Variants in COL19A1 observed in about 807,000 individuals in gnomAD.
COL19A1 encodes collagen type XIX alpha 1 chain.
In COL19A1, 159 loss-of-function variants were observed where a neutral mutation model predicts 190.2. That is an observed-to-expected ratio of 0.84 (90% CI 0.73 to 0.95). COL19A1 has a LOEUF of 0.95. COL19A1 is among the 40% of genes least tolerant of loss of function. The pLI is 0.00. For synonymous variants in COL19A1, 509 were observed against 458.9 expected, an observed-to-expected ratio of 1.11 and a Z score of -1.39; for missense variants, 1,418 against 1,431.9, an observed-to-expected ratio of 0.99 and a Z score of 0.16.
rs150367557 is a variant in COL19A1, at chr6:70,052,489, C to G, written c.1171-15934C>G. On this transcript the variant is annotated intron_variant, in intron 14 of 50. Transcript: ENST00000620364. ...ACCATGGCTAACTATACCGCTGACT[C>G]ATTCAGCTTACAATCAGCTCTAGTC... is the stretch of plus-strand genomic sequence containing the variant. Among the ~76,000 whole-genome samples, 373 of 152,318 alleles carry G rather than the reference C, an allele frequency of 2.4e-3. 1 individual carries two copies. Among genetic ancestry groups the G allele is most frequent in the Non-Finnish European group, 3.5e-3 (238 of 68,024 alleles).
chr6:70,172,882 T>C (rs1765581180), intron 41 of COL19A1, among the ~76,000 whole-genome samples: 1 of 152,156 alleles, frequency 6.6e-6, no homozygotes, highest in Admixed American at 6.5e-5. Flanking sequence ...GGGAAGCCAG[T>C]TAGAAGATAT....
At chr6:70,125,647 G>A (rs937402636) in intron 17 of COL19A1, among the ~76,000 whole-genome samples, 1 of 152,208 alleles carries the variant, frequency 6.6e-6, no homozygotes, top group Admixed American at 6.5e-5. Flanking sequence ...AGCCTAAGGA[G>A]TGAGGTCAGG....
At chr6:69,974,452 T>C (rs76524957) in intron 11 of COL19A1, among the ~76,000 whole-genome samples, 3,361 of 152,292 alleles carry the variant, frequency 0.022, 127 homozygotes, top group African/African-American at 0.07. Context: ...TTTACTTATG[T>C]GTACAAATGA....
chr6:70,105,658 T>C (rs1014940637), intron 16 of COL19A1, among the ~76,000 whole-genome samples: 2 of 152,192 alleles, frequency 1.3e-5, no homozygotes, highest in Non-Finnish European at 2.9e-5. Flanking sequence ...CATCTTACTT[T>C]ATAGCAAGAA....
chr6:70,122,639 A>T (rs1784950208), intron 17 of COL19A1, among the ~76,000 whole-genome samples: 1 of 152,168 alleles, frequency 6.6e-6, no homozygotes, highest in South Asian at 2.1e-4. Flanking sequence ...CCTTGTATAC[A>T]TAATGGTTCA....
intron 14 of COL19A1, among the ~76,000 whole-genome samples, chr6:70,054,586 G>A (rs866196957): frequency 6.6e-6 from 1 of 152,116 alleles, no homozygotes; most frequent in Non-Finnish European, 1.5e-5. Context: ...TAGCTTATTT[G>A]CCTTAACTTG....
chr6:69,960,891 A>T (rs940485597), intron 10 of COL19A1, among the ~76,000 whole-genome samples: 2 of 151,984 alleles, frequency 1.3e-5, no homozygotes, highest in Non-Finnish European at 2.9e-5. Context: ...TCGGCCTCCC[A>T]AAGTGCTGGG....
intron 11 of COL19A1, among the ~76,000 whole-genome samples, chr6:70,003,482 C>T (rs970994834): frequency 1.3e-4 from 20 of 152,014 alleles, no homozygotes; most frequent in African/African-American, 4.6e-4. Context: ...TTAAAGTCTC[C>T]CACTATTATT....
At chr6:69,873,527 TG>T (rs1767960932) in intron 1 of COL19A1, among the ~76,000 whole-genome samples, 1 of 152,248 alleles carries the variant, frequency 6.6e-6, no homozygotes, top group South Asian at 2.1e-4. Context: ...CCATATCACC[TG>T]CTCTGTTACA....
At chr6:70,190,747 A>T (rs1205057583) in intron 48 of COL19A1, among the ~76,000 whole-genome samples, 1 of 152,164 alleles carries the variant, frequency 6.6e-6, no homozygotes, top group Admixed American at 6.6e-5. Context: ...GAAATGTTTA[A>T]TTTATAAATG....
rs1242399635 is a variant in COL19A1 at position 70,199,678 on chromosome 6, A to C, written c.3165A>C (p.Arg1055Ser). ...TGTTGGCTGCCCAAGCTTATGGGAG[A>C]CCTGGGCCACCAGGGAAGGATGGGT... The part of the protein sequence containing the change: ...AAMLAAQAYG[R>S]PGPPGKDGLP... The change falls in exon 49 of 51, where the codon AGA becomes AGC. Residue 1055 changes from arginine to serine, a missense_variant. Coordinates refer to ENST00000620364, the MANE Select transcript of COL19A1 (RefSeq NM_001858.6). 9 of 1,609,908 alleles carry C rather than the reference A, an allele frequency of 5.6e-6. No homozygotes were observed. The highest frequency in any genetic ancestry group is 7.6e-6 in the Non-Finnish European group (9 of 1,177,564).
At chr6:69,962,681 A>C in intron 10 of COL19A1, 145 bp from the exon 11 acceptor site, 1 of 442,352 alleles carries the variant, frequency 2.3e-6, no homozygotes, top group Non-Finnish European at 3.9e-6. Flanking sequence ...CTTATGTAAC[A>C]ATATTGGTTT....
At chr6:70,037,431 CAGGCTTG>C (rs1779412161) in intron 14 of COL19A1, among the ~76,000 whole-genome samples, 1 of 151,984 alleles carries the variant, frequency 6.6e-6, no homozygotes, top group East Asian at 1.9e-4. Flanking sequence ...GCTGGGATTA[CAGGCTTG>C]AGCCACTGTG....
intron 31 of COL19A1, among the ~76,000 whole-genome samples, chr6:70,151,759 G>GA (rs1787073947): frequency 2.0e-5 from 3 of 152,022 alleles, no homozygotes; most frequent in Non-Finnish European, 4.4e-5. Context: ...TCTCTCCTCT[G>GA]GAGGAACATC....
chr6:70,064,832 A>C (rs1781077826), intron 14 of COL19A1, among the ~76,000 whole-genome samples: 1 of 152,220 alleles, frequency 6.6e-6, no homozygotes, highest in Non-Finnish European at 1.5e-5. Flanking sequence ...CAGAGAGCCA[A>C]ATCATGAGTG....
chr6:70,110,862 C>T (rs1423515984), intron 16 of COL19A1, among the ~76,000 whole-genome samples: 1 of 152,116 alleles, frequency 6.6e-6, no homozygotes, highest in Admixed American at 6.6e-5. Flanking sequence ...TTGAAACCAA[C>T]TATTAAGACA....
chr6:69,931,630 G>T (rs1772764596), intron 6 of COL19A1, among the ~76,000 whole-genome samples: 1 of 152,044 alleles, frequency 6.6e-6, no homozygotes, highest in Non-Finnish European at 1.5e-5. Context: ...ATTATACTAT[G>T]TAAGACGGTG....
chr6:70,084,522 G>GA (rs1782468187), intron 15 of COL19A1, among the ~76,000 whole-genome samples: 1 of 152,196 alleles, frequency 6.6e-6, no homozygotes, highest in African/African-American at 2.4e-5. Flanking sequence ...CAATGTAGAG[G>GA]AAAATCAGTG....
intron 16 of COL19A1, among the ~76,000 whole-genome samples, chr6:70,118,145 C>T (rs1784685269): frequency 6.6e-6 from 1 of 152,192 alleles, no homozygotes; most frequent in Non-Finnish European, 1.5e-5. Context: ...GCAGGATAGA[C>T]AACTCTTGCT....
Sources: gnomAD v4.1 joint callset for allele counts (sites outside exome capture counted in the v4.1 genomes callset) on GRCh38, gnomAD v4.1.1 for gene constraint, MANE v1.5 for transcripts, NCBI Gene and HGNC (gene_info 2026-07-23, HGNC 2026-07-21) for gene names.